SND1: variants seen among roughly 807,000 people sequenced by gnomAD.
The protein encoded by SND1 is staphylococcal nuclease domain-containing protein 1.
SND1 carries 38 observed loss-of-function variants against 121.7 expected under a neutral mutation model. That is an observed-to-expected ratio of 0.31 (90% confidence interval 0.24 to 0.41). The LOEUF (loss-of-function observed/expected upper bound fraction) is 0.41, where lower values mean the gene tolerates loss of function less well. Among genes scored for constraint, SND1 ranks in the 10% least tolerant of loss-of-function variants. The probability of loss-of-function intolerance (pLI) is 1.00; values close to 1 mark genes in which losing one functional copy is unlikely to be tolerated. For synonymous variants in SND1, 401 were observed against 447.4 expected, an observed-to-expected ratio of 0.90 and a Z score of 1.31; for missense variants, 868 against 1,184.6, an observed-to-expected ratio of 0.73 and a Z score of 3.92.
At chr7:127,988,677 T>A (rs1244424448) in intron 15 of SND1, among the ~76,000 whole-genome samples, 1 of 151,596 alleles carries the variant, frequency 6.6e-6, no homozygotes, top group South Asian at 2.1e-4. Flanking sequence ...GACAAAGGAG[T>A]AGAGTGGTAC....
At chr7:128,048,764 G>A (rs192055323) in intron 16 of SND1, among the ~76,000 whole-genome samples, 2 of 152,252 alleles carry the variant, frequency 1.3e-5, no homozygotes, top group East Asian at 1.9e-4. Flanking sequence ...GTGATGCAGG[G>A]TATATGTGTA....
intron 2 of SND1, among the ~76,000 whole-genome samples, chr7:127,691,565 A>G (rs909557095): frequency 6.6e-6 from 1 of 152,072 alleles, no homozygotes; most frequent in African/African-American, 2.4e-5. Context: ...ATAATTAAAT[A>G]AAACAAACTA....
intron 14 of SND1, among the ~76,000 whole-genome samples, chr7:127,914,614 A>G (rs770932717): frequency 1.1e-4 from 16 of 152,148 alleles, no homozygotes; most frequent in Admixed American, 3.3e-4. Context: ...TTGCCAAGTG[A>G]TGGGCTCAAA....
At chr7:128,072,616 T>G (rs1419892377) in intron 16 of SND1, among the ~76,000 whole-genome samples, 1 of 152,106 alleles carries the variant, frequency 6.6e-6, no homozygotes, top group Non-Finnish European at 1.5e-5. Context: ...CAAGAGACAG[T>G]CTTCTCATGT....
At chr7:127,932,050 A>G (rs914720437) in intron 15 of SND1, among the ~76,000 whole-genome samples, 1 of 152,202 alleles carries the variant, frequency 6.6e-6, no homozygotes, top group African/African-American at 2.4e-5. Flanking sequence ...AGTAATTTTG[A>G]TTTTCAAACC....
intron 16 of SND1, among the ~76,000 whole-genome samples, chr7:128,007,021 C>T (rs979774600): frequency 6.6e-6 from 1 of 151,726 alleles, no homozygotes; most frequent in Non-Finnish European, 1.5e-5. Context: ...CTCCCAGTAG[C>T]GAGATTTTGT....
At chr7:127,908,748 T>C (rs1475487628) in intron 14 of SND1, among the ~76,000 whole-genome samples, 1 of 152,170 alleles carries the variant, frequency 6.6e-6, no homozygotes, top group African/African-American at 2.4e-5. Flanking sequence ...ATAGAAAAAA[T>C]TGGAGTATGT....
intron 10 of SND1, among the ~76,000 whole-genome samples, chr7:127,750,228 A>T (rs769768411): frequency 1.3e-5 from 2 of 152,238 alleles, no homozygotes; most frequent in Non-Finnish European, 2.9e-5. Flanking sequence ...GGTTACACAG[A>T]CTGCAGATAG....
rs75572838 is a variant in SND1, at chr7:127,848,208, G to C, written c.1343+3784G>C. Among the ~76,000 whole-genome samples the C allele has an allele frequency of 5.7e-3, 871 of 152,338 alleles. 12 individuals are homozygous for C. Among genetic ancestry groups the C allele is most frequent in the African/African-American group, 0.02 (830 of 41,578 alleles). On this transcript the variant is annotated intron_variant, in intron 12 of 23. Transcript: ENST00000354725. ...ACTTAAACAATGCTTAAACAATAGAGGTGAACTGGGTTGAGCTGCCCCTGT... is the reference window on the plus strand; with the variant it reads ...ACTTAAACAATGCTTAAACAATAGACGTGAACTGGGTTGAGCTGCCCCTGT...
At chr7:128,053,563 G>A (rs945755866) in intron 16 of SND1, among the ~76,000 whole-genome samples, 9 of 152,138 alleles carry the variant, frequency 5.9e-5, no homozygotes, top group African/African-American at 2.2e-4. Context: ...AAAGACAGAA[G>A]TGAGATACCT....
intron 16 of SND1, among the ~76,000 whole-genome samples, chr7:128,012,111 C>G (rs1314685048): frequency 6.6e-6 from 1 of 152,170 alleles, no homozygotes; most frequent in Non-Finnish European, 1.5e-5. Context: ...TTTGGATCAC[C>G]ATGCCCTAAA....
chr7:127,771,268 C>T (rs752326057), intron 10 of SND1, among the ~76,000 whole-genome samples: 10 of 152,104 alleles, frequency 6.6e-5, no homozygotes, highest in Admixed American at 2.6e-4. Flanking sequence ...TCTTGGCATA[C>T]GTATACTATT....
At chr7:127,811,146 A>G (rs376190153) in intron 11 of SND1, among the ~76,000 whole-genome samples, 1 of 152,198 alleles carries the variant, frequency 6.6e-6, no homozygotes, top group Non-Finnish European at 1.5e-5. Flanking sequence ...TGTGGCTTTC[A>G]TGCCATTGAA....
intron 1 of SND1, among the ~76,000 whole-genome samples, chr7:127,678,848 T>G (rs936920965): frequency 3.3e-5 from 5 of 152,242 alleles, no homozygotes; most frequent in Admixed American, 2.0e-4. Flanking sequence ...TTTAAATGTT[T>G]TCATTTCATT....
At chr7:127,730,042 C>A (rs1796647125) in intron 10 of SND1, among the ~76,000 whole-genome samples, 1 of 152,150 alleles carries the variant, frequency 6.6e-6, no homozygotes, top group South Asian at 2.1e-4. Flanking sequence ...CGGGTCACCA[C>A]AGCCTCTGCC....
intron 10 of SND1, among the ~76,000 whole-genome samples, chr7:127,794,742 G>A (rs914107915): frequency 6.6e-6 from 1 of 152,164 alleles, no homozygotes; most frequent in South Asian, 2.1e-4. Flanking sequence ...TTTAAGTAAC[G>A]GGGTTGTCTC....
intron 16 of SND1, among the ~76,000 whole-genome samples, chr7:128,049,025 T>G (rs760595958): frequency 6.6e-6 from 1 of 152,174 alleles, no homozygotes; most frequent in Non-Finnish European, 1.5e-5. Context: ...CTAAGCAGCC[T>G]TGGCTATTTT....
At chr7:127,778,035 A>C (rs1249350025) in intron 10 of SND1, among the ~76,000 whole-genome samples, 1 of 152,098 alleles carries the variant, frequency 6.6e-6, no homozygotes, top group Non-Finnish European at 1.5e-5. Flanking sequence ...TCACAGCTAC[A>C]CTGGTTCATC....
intron 11 of SND1, among the ~76,000 whole-genome samples, chr7:127,831,887 T>C (rs1039790066): frequency 4.1e-5 from 6 of 147,600 alleles, no homozygotes; most frequent in African/African-American, 1.4e-4. Flanking sequence ...TGTGAAAAAT[T>C]GGAAGTACCT....
Sources: allele counts gnomAD v4.1 joint callset (sites outside exome capture counted in the v4.1 genomes callset), GRCh38; gene constraint gnomAD v4.1.1; transcripts MANE v1.5; gene names NCBI Gene and HGNC (gene_info 2026-07-23, HGNC 2026-07-21).